The following COL19A1 variants were observed in gnomAD, a reference collection of about 807,000 sequenced individuals.
COL19A1 encodes collagen alpha-1(XIX) chain.
COL19A1 carries 159 observed loss-of-function variants against 190.2 expected under a neutral mutation model. The ratio of observed to expected loss-of-function variants is 0.84; its 90% CI spans 0.73 to 0.95. The LOEUF is 0.95. COL19A1 is among the 40% of genes least tolerant of loss of function. COL19A1 has a pLI of 0.00. For synonymous variants in COL19A1, 509 were observed against 458.9 expected (o/e 1.11, Z -1.39); for missense variants, 1,418 against 1,431.9 (o/e 0.99, Z 0.16).
intron 11 of COL19A1, among the ~76,000 whole-genome samples, chr6:69,987,599 A>G (rs2150071221): frequency 6.6e-6 from 1 of 152,286 alleles, no homozygotes; most frequent in South Asian, 2.1e-4. Context: ...TGCTTGTGAA[A>G]TTTTCCAAAT....
chr6:69,959,805 A>G (rs1233907763), intron 9 of COL19A1, among the ~76,000 whole-genome samples, 191 bp from the exon 10 acceptor site: 1 of 152,146 alleles, frequency 6.6e-6, no homozygotes, highest in African/African-American at 2.4e-5. Flanking sequence ...CCATTTCCCT[A>G]TTTTAAAAAT....
At chr6:70,164,928 C>T (rs1052035339) in intron 36 of COL19A1, among the ~76,000 whole-genome samples, 5 of 152,018 alleles carry the variant, frequency 3.3e-5, no homozygotes, top group Admixed American at 1.3e-4. Context: ...TAAACATGAA[C>T]AAAAGATTTT....
chr6:69,940,548 T>C (rs1238858813), intron 9 of COL19A1, among the ~76,000 whole-genome samples: 2 of 152,208 alleles, frequency 1.3e-5, no homozygotes, highest in Non-Finnish European at 2.9e-5. Context: ...AAATGTATCT[T>C]AGAGTAACAA....
rs183626048 is a variant in COL19A1 at position 69,961,679 on chromosome 6, C to T, written c.982-1147C>T. Among the ~76,000 whole-genome samples the T allele has an allele frequency of 2.6e-3, 392 of 151,986 alleles. 1 individual carries two copies. The highest frequency in any genetic ancestry group is 4.7e-3 in the Non-Finnish European group (318 of 67,984). ...GGTAACTTTTAGAGGGTAGATGAAG[C>T]AAAAATAATTATTTAATTACATGCA... On this transcript the variant is annotated intron_variant, in intron 10 of 50. Transcript: ENST00000620364.
chr6:69,989,156 T>G (rs1244512155), intron 11 of COL19A1, among the ~76,000 whole-genome samples: 2 of 152,100 alleles, frequency 1.3e-5, no homozygotes, highest in Non-Finnish European at 2.9e-5. Context: ...ACCGCTAAGT[T>G]TTTTACCCAC....
At chr6:70,064,485 C>A in intron 14 of COL19A1, among the ~76,000 whole-genome samples, 1 of 152,122 alleles carries the variant, frequency 6.6e-6, no homozygotes, top group Non-Finnish European at 1.5e-5. Flanking sequence ...CTATTTATGA[C>A]AAACCCACAG....
Position 70,056,904 on chromosome 6 carries a change from T to A in COL19A1, c.1171-11519T>A, listed in dbSNP as rs547254064. 7.9e-5 allele frequency among the ~76,000 whole-genome samples: 12 copies of A among 152,122 alleles called. 1 individual carries two copies. The South Asian group carries it at 2.5e-3, about 32-fold the overall frequency. ...TTCACAGTTATCAGCATTAAATACC[T>A]AGGTCTTTCATGTAGTATGTGAGTA... is the stretch of plus-strand genomic sequence containing the variant. On this transcript the variant is annotated intron_variant, in intron 14 of 50. Coordinates refer to ENST00000620364, the MANE Select transcript of COL19A1 (RefSeq NM_001858.6).
chr6:70,137,594 G>A, intron 18 of COL19A1, 91 bp from the exon 19 acceptor site: 1 of 1,165,506 alleles, frequency 8.6e-7, no homozygotes, highest in Non-Finnish European at 1.3e-6. Flanking sequence ...TGTATAGTTA[G>A]CAGGAGAGCA....
chr6:69,963,316 G>A (rs747331490), intron 11 of COL19A1, among the ~76,000 whole-genome samples: 3 of 152,088 alleles, frequency 2.0e-5, no homozygotes, highest in Admixed American at 6.5e-5. Flanking sequence ...ACTAAAACTC[G>A]AATAATTTCA....
chr6:69,891,180 A>AGG (rs1769320217), intron 2 of COL19A1: 1 of 147,546 alleles, frequency 6.8e-6, no homozygotes, highest in African/African-American at 2.6e-5. Flanking sequence ...GCACAGGGAG[A>AGG]GGGAGGCCAA....
At chr6:70,077,801 ATAATG>A (rs3838680) in intron 15 of COL19A1, among the ~76,000 whole-genome samples, 29,069 of 151,994 alleles carry the variant, frequency 0.19, 3,972 homozygotes, top group African/African-American at 0.36. Flanking sequence ...ATAAAATTCA[ATAATG>A]TAAACACAAT....
At chr6:70,144,754 T>A (rs966394316) in intron 24 of COL19A1, among the ~76,000 whole-genome samples, 164 bp from the exon 25 acceptor site, 1 of 152,180 alleles carries the variant, frequency 6.6e-6, no homozygotes, top group Non-Finnish European at 1.5e-5. Flanking sequence ...AATTAGGTAC[T>A]CAATAAATAT....
intron 15 of COL19A1, among the ~76,000 whole-genome samples, chr6:70,099,083 A>T (rs1783468670): frequency 2.5e-5 from 3 of 121,128 alleles, no homozygotes; most frequent in South Asian, 2.8e-4. Context: ...AAAAAAAAAA[A>T]TTGAGAAAAA....
chr6:70,044,526 G>A (rs144858541), intron 14 of COL19A1, among the ~76,000 whole-genome samples: 2,210 of 152,198 alleles, frequency 0.015, 26 homozygotes, highest in Non-Finnish European at 0.02. Flanking sequence ...TGAGAGATGC[G>A]CAACTCTTCC....
chr6:70,065,290 C>T (rs1016158434), intron 14 of COL19A1, among the ~76,000 whole-genome samples: 1 of 152,108 alleles, frequency 6.6e-6, no homozygotes, highest in African/African-American at 2.4e-5. Context: ...ACAGAGCCCT[C>T]AGAAATAATA....
chr6:70,140,895 C>A, intron 19 of COL19A1, 59 bp from the exon 20 acceptor site: 1 of 1,548,526 alleles, frequency 6.5e-7, no homozygotes, highest in Non-Finnish European at 8.9e-7. Flanking sequence ...ATCCACACCC[C>A]GGTTTGGAGA....
chr6:70,043,144 A>T (rs192876389), intron 14 of COL19A1, among the ~76,000 whole-genome samples: 14 of 151,844 alleles, frequency 9.2e-5, no homozygotes, highest in Admixed American at 5.9e-4. Flanking sequence ...GGTTCATCAG[A>T]GGAAGCACTA....
intron 9 of COL19A1, among the ~76,000 whole-genome samples, chr6:69,947,384 C>T (rs1773884706): frequency 6.6e-6 from 1 of 151,824 alleles, no homozygotes; most frequent in East Asian, 1.9e-4. Context: ...CGAGAAGTTA[C>T]TGTTGCAGTT....
chr6:69,922,421 A>T (rs1205609323), intron 4 of COL19A1, among the ~76,000 whole-genome samples: 1 of 151,350 alleles, frequency 6.6e-6, no homozygotes, highest in Non-Finnish European at 1.5e-5. Flanking sequence ...TGAGATGCAA[A>T]AATATTTTCA....
Sources: allele counts gnomAD v4.1 joint callset (sites outside exome capture counted in the v4.1 genomes callset), GRCh38; gene constraint gnomAD v4.1.1; transcripts MANE v1.5; gene names NCBI Gene and HGNC (gene_info 2026-07-23, HGNC 2026-07-21).